CDKAL1: variants seen among roughly 807,000 people sequenced by gnomAD.
CDKAL1 encodes threonylcarbamoyladenosine tRNA methylthiotransferase.
CDKAL1 carries 32 observed loss-of-function variants against 68.2 expected under a neutral mutation model. The ratio of observed to expected loss-of-function variants is 0.47; its 90% CI spans 0.35 to 0.63. The LOEUF (loss-of-function observed/expected upper bound fraction) is 0.63, where lower values mean the gene tolerates loss of function less well. Ranked by LOEUF, CDKAL1 falls within the 30% of genes least tolerant of loss-of-function variation. The probability of loss-of-function intolerance (pLI) is 0.00; values close to 1 mark genes in which losing one functional copy is unlikely to be tolerated. For synonymous variants in CDKAL1, 234 were observed against 244.3 expected (o/e 0.96, Z 0.39); for missense variants, 606 against 696.7 (o/e 0.87, Z 1.47).
intron 11 of CDKAL1, among the ~76,000 whole-genome samples, chr6:21,031,219 A>G (rs138594821): frequency 2.0e-5 from 3 of 151,908 alleles, no homozygotes; most frequent in African/African-American, 4.8e-5. Flanking sequence ...GGCTGGGACC[A>G]TTCTCAGCTC....
intron 4 of CDKAL1, among the ~76,000 whole-genome samples, chr6:20,612,581 GC>G: frequency 6.6e-6 from 1 of 151,982 alleles, no homozygotes; most frequent in South Asian, 2.1e-4. Context: ...CACATACTTT[GC>G]CTGTTTCTTA....
At chr6:20,570,760 A>G (rs916937271) in intron 4 of CDKAL1, among the ~76,000 whole-genome samples, 11 of 152,218 alleles carry the variant, frequency 7.2e-5, no homozygotes, top group Non-Finnish European at 1.6e-4. Flanking sequence ...ATGAAACTGT[A>G]GAAGGAAAAT....
intron 12 of CDKAL1, among the ~76,000 whole-genome samples, chr6:21,098,562 C>T (rs562110205): frequency 2.4e-5 from 3 of 127,008 alleles, no homozygotes; most frequent in Admixed American, 9.0e-5. Context: ...TTTTTTTGGC[C>T]GTCACCCATG....
chr6:21,131,745 C>T (rs1045789220), intron 13 of CDKAL1, among the ~76,000 whole-genome samples: 27 of 152,026 alleles, frequency 1.8e-4, no homozygotes, highest in Non-Finnish European at 4.4e-5. Context: ...AAGTTTTCAT[C>T]GATTTGAAGT....
rs1309389349 is a variant in CDKAL1, at chr6:21,129,740, T to C, written c.1299+21277T>C. 3.7e-5 allele frequency among the ~76,000 whole-genome samples: 5 copies of C among 133,712 alleles called. No homozygotes were observed. In the East Asian group the frequency reaches 1.1e-3, roughly 29 times the overall value. The allele number at this position is 133,712 out of a possible 152,430, so 87.7% of individuals were successfully genotyped here. On this transcript the variant is annotated intron_variant, in intron 13 of 15. Coordinates refer to ENST00000274695, the MANE Select transcript of CDKAL1 (RefSeq NM_017774.3). ...GGAGTAATTGTACTAACTCTAGATATAATACAAAATAAAAATACCTAGAGT... is the reference window on the plus strand; with the variant it reads ...GGAGTAATTGTACTAACTCTAGATACAATACAAAATAAAAATACCTAGAGT...
At chr6:20,887,325 A>G (rs1410904455) in intron 9 of CDKAL1, among the ~76,000 whole-genome samples, 2 of 152,212 alleles carry the variant, frequency 1.3e-5, no homozygotes, top group Non-Finnish European at 2.9e-5. Context: ...CTCATTTACT[A>G]AGAGAAATTT....
intron 8 of CDKAL1, among the ~76,000 whole-genome samples, chr6:20,789,014 A>G (rs1775790010): frequency 6.6e-6 from 1 of 152,202 alleles, no homozygotes; most frequent in Non-Finnish European, 1.5e-5. Context: ...TTTTCTGGCT[A>G]ACCTGGAATA....
chr6:20,860,681 G>C (rs555507507), intron 9 of CDKAL1, among the ~76,000 whole-genome samples: 2 of 151,892 alleles, frequency 1.3e-5, no homozygotes, highest in Non-Finnish European at 2.9e-5. Context: ...AAAATTAGCT[G>C]GGCGTGGTGG....
intron 8 of CDKAL1, among the ~76,000 whole-genome samples, chr6:20,837,487 T>C (rs1777996037): frequency 6.6e-6 from 1 of 152,146 alleles, no homozygotes; most frequent in Non-Finnish European, 1.5e-5. Context: ...TCACTAATAC[T>C]CCTTTGCTTT....
chr6:21,171,455 G>A (rs932756859), intron 13 of CDKAL1, among the ~76,000 whole-genome samples: 17 of 151,840 alleles, frequency 1.1e-4, no homozygotes, highest in South Asian at 1.0e-3. Context: ...CTCGTGATCC[G>A]CCCACCTTGG....
intron 12 of CDKAL1, among the ~76,000 whole-genome samples, chr6:21,093,167 A>G (rs1773132880): frequency 1.3e-5 from 2 of 152,186 alleles, no homozygotes; most frequent in South Asian, 4.1e-4. Context: ...CCATGCCAAG[A>G]CAAGAGAGAA....
At chr6:21,091,607 C>T (rs12197854) in intron 12 of CDKAL1, among the ~76,000 whole-genome samples, 1 of 152,280 alleles carries the variant, frequency 6.6e-6, no homozygotes, top group African/African-American at 2.4e-5. Context: ...TGAAAAGTCT[C>T]TGGACTGAAG....
chr6:20,839,055 A>C (rs1778072473), intron 8 of CDKAL1, among the ~76,000 whole-genome samples: 1 of 151,830 alleles, frequency 6.6e-6, no homozygotes, highest in African/African-American at 2.4e-5. Context: ...GTGTCAATTG[A>C]CATATTAGCT....
intron 14 of CDKAL1, among the ~76,000 whole-genome samples, chr6:21,198,975 A>G (rs796968957): frequency 1.4e-4 from 22 of 152,340 alleles, no homozygotes; most frequent in African/African-American, 5.3e-4. Context: ...TGTGTCTCCC[A>G]TCTCATGATA....
chr6:20,934,900 ATTTT>A (rs35030815), intron 9 of CDKAL1, among the ~76,000 whole-genome samples: 1 of 136,648 alleles, frequency 7.3e-6, no homozygotes, highest in Non-Finnish European at 1.6e-5. Context: ...CGCCTTATAC[ATTTT>A]TTTTTTTTTT....
intron 13 of CDKAL1, among the ~76,000 whole-genome samples, chr6:21,160,565 G>A (rs1776869736): frequency 6.8e-6 from 1 of 147,836 alleles, no homozygotes; most frequent in South Asian, 2.1e-4. Flanking sequence ...CAAAGTGCTG[G>A]GATTACAGGC....
At chr6:20,985,644 G>A (rs1766411312) in intron 10 of CDKAL1, among the ~76,000 whole-genome samples, 1 of 152,076 alleles carries the variant, frequency 6.6e-6, no homozygotes, top group Non-Finnish European at 1.5e-5. Flanking sequence ...TTAAAGCTAG[G>A]CATGGTGGCT....
chr6:20,990,129 G>A (rs376298016), intron 10 of CDKAL1, among the ~76,000 whole-genome samples: 4 of 152,154 alleles, frequency 2.6e-5, no homozygotes, highest in African/African-American at 9.7e-5. Context: ...TGTAGTCCCA[G>A]CTACTCAGGA....
intron 7 of CDKAL1, among the ~76,000 whole-genome samples, chr6:20,761,383 A>T (rs1774457124): frequency 6.6e-6 from 1 of 152,210 alleles, no homozygotes; most frequent in African/African-American, 2.4e-5. Context: ...CTTAAAACTA[A>T]ACACAGTCTT....
Sources: allele counts gnomAD v4.1 joint callset (sites outside exome capture counted in the v4.1 genomes callset), GRCh38; gene constraint gnomAD v4.1.1; transcripts MANE v1.5; gene names NCBI Gene and HGNC (gene_info 2026-07-23, HGNC 2026-07-21).